ABCD3: variants seen among roughly 807,000 people sequenced by gnomAD.
ABCD3 encodes the protein ATP-binding cassette sub-family D member 3.
Under a neutral mutation model 105.5 loss-of-function variants are expected in ABCD3, and 41 were observed. The observed-to-expected ratio is 0.39, with a 90% confidence interval of 0.30 to 0.50. The LOEUF (loss-of-function observed/expected upper bound fraction) is 0.50, where lower values mean the gene tolerates loss of function less well. Ranked by LOEUF, ABCD3 falls within the 20% of genes least tolerant of loss-of-function variation. The pLI is 0.84. For synonymous variants in ABCD3, 258 were observed against 269.0 expected (o/e 0.96, Z 0.40); for missense variants, 622 against 806.3 (o/e 0.77, Z 2.77).
At chr1:94,481,509 A>T (rs2101007939) in intron 9 of ABCD3, 1 of 152,376 alleles carries the variant, frequency 6.6e-6, no homozygotes, top group Non-Finnish European at 1.5e-5. Context: ...CAGTAATAAG[A>T]ACACTCACTG....
intron 1 of ABCD3, among the ~76,000 whole-genome samples, chr1:94,431,593 A>G (rs558648813): frequency 6.6e-6 from 1 of 152,192 alleles, no homozygotes; most frequent in East Asian, 1.9e-4. Context: ...AGACAGACTC[A>G]CTCTGTGGCC....
At position 94,493,440 on chromosome 1, in the gene ABCD3, A is replaced by C. The variant is rs952111560; in HGVS notation, c.1386+2193A>C. 1.3e-3 allele frequency among the ~76,000 whole-genome samples: 193 copies of C among 151,936 alleles called. 1 individual carries two copies. In the East Asian group the frequency reaches 0.016, roughly 12 times the overall value. ...ATGGCAATCATTAAAAAGTCAGGAA[A>C]CAACAGGTGCTGGAGAGGATGTGGA... is the stretch of plus-strand genomic sequence containing the variant. On this transcript the variant is annotated intron_variant, in intron 16 of 22. Coordinates refer to ENST00000370214, the MANE Select transcript of ABCD3 (RefSeq NM_002858.4).
At chr1:94,497,937 A>G (rs1649899304) in intron 16 of ABCD3, among the ~76,000 whole-genome samples, 1 of 152,228 alleles carries the variant, frequency 6.6e-6, no homozygotes, top group Admixed American at 6.5e-5. Context: ...AGCAAGTTGT[A>G]GAACAGTCTA....
chr1:94,387,460 A>G, the ABCD3 span, among the ~76,000 whole-genome samples: 1 of 151,566 alleles, frequency 6.6e-6, no homozygotes, highest in Non-Finnish European at 1.5e-5. Context: ...CTCTCTCCAT[A>G]TTTCTCCCAT....
intron 4 of ABCD3, among the ~76,000 whole-genome samples, chr1:94,470,611 CT>C (rs897951033): frequency 1.3e-5 from 2 of 151,384 alleles, no homozygotes; most frequent in African/African-American, 2.4e-5. Context: ...TAGGTGAACT[CT>C]TTTTCCATCT....
At position 94,478,289 on chromosome 1, in the gene ABCD3, A is replaced by G; in HGVS notation, c.658A>G (p.Lys220Glu). 6.2e-7 allele frequency: 1 copy of G among 1,602,502 alleles called. No individual in the cohort carries two copies. Among genetic ancestry groups the G allele is most frequent in the Non-Finnish European group, 8.5e-7 (1 of 1,171,382 alleles). ...PFLDIVLYIFKLTSAIGAQGP... is the reference protein window; with the variant it reads ...PFLDIVLYIFELTSAIGAQGP... The stretch of plus-strand genomic sequence containing the variant: ...TTTAGACATAGTTTTGTATATCTTT[A>G]AGTTAACGAGTGCAATTGGAGCTCA... Residue 220 changes from lysine (K) to glutamate (E), a missense_variant, in exon 8 of 23, where the codon AAG (lysine) becomes GAG (glutamate). Physicochemically the swap from Lys to Glu is moderately conservative, Grantham distance 56. Coordinates refer to ENST00000370214, the MANE Select transcript of ABCD3 (RefSeq NM_002858.4).
At chr1:94,423,845 T>C (rs1268985069) in intron 1 of ABCD3, among the ~76,000 whole-genome samples, 4 of 152,146 alleles carry the variant, frequency 2.6e-5, no homozygotes, top group Admixed American at 2.0e-4. Context: ...TCTACAACTT[T>C]CCTGCAAACT....
At chr1:94,480,124 A>G in intron 8 of ABCD3, 1 of 294,192 alleles carries the variant, frequency 3.4e-6, no homozygotes, top group Non-Finnish European at 6.4e-6. Flanking sequence ...GAGGTCTAAG[A>G]ATTATTGTGG....
intron 2 of ABCD3, among the ~76,000 whole-genome samples, chr1:94,459,336 C>G (rs539154352): frequency 3.9e-5 from 6 of 152,202 alleles, no homozygotes; most frequent in Admixed American, 1.3e-4. Context: ...GATCCTTTTT[C>G]AGTTCTGTAT....
the ABCD3 span, among the ~76,000 whole-genome samples, chr1:94,385,814 T>C: frequency 6.6e-6 from 1 of 152,134 alleles, no homozygotes. Flanking sequence ...TTCTCATAAA[T>C]GGTGCGGAGA....
intron 20 of ABCD3, 85 bp downstream of exon 20, chr1:94,499,699 T>A: frequency 1.9e-6 from 3 of 1,545,450 alleles, no homozygotes; most frequent in Non-Finnish European, 2.7e-6. Flanking sequence ...CATCTTATAT[T>A]TTTTTATTCA....
chr1:94,428,289 C>A (rs1659546453), intron 1 of ABCD3, among the ~76,000 whole-genome samples: 2 of 151,976 alleles, frequency 1.3e-5, no homozygotes, highest in Admixed American at 6.6e-5. Context: ...TATAATGGTA[C>A]TATAATAATT....
intron 1 of ABCD3, among the ~76,000 whole-genome samples, chr1:94,447,174 TAAAGAG>T (rs1660382873): frequency 3.9e-5 from 6 of 152,020 alleles, no homozygotes; most frequent in Admixed American, 3.9e-4. Context: ...GGCCACTAAG[TAAAGAG>T]AAACTGGAGG....
chr1:94,430,020 C>A (rs1659614123), intron 1 of ABCD3, among the ~76,000 whole-genome samples: 1 of 152,364 alleles, frequency 6.6e-6, no homozygotes, highest in East Asian at 1.9e-4. Context: ...CTGCCCAAGA[C>A]CATGGGAACC....
the ABCD3 span, among the ~76,000 whole-genome samples, chr1:94,402,905 A>G: frequency 6.7e-6 from 1 of 148,802 alleles, no homozygotes; most frequent in South Asian, 2.2e-4. Context: ...TGCACCCATT[A>G]ACTCATCATC....
intron 1 of ABCD3, among the ~76,000 whole-genome samples, chr1:94,424,733 G>C (rs1220655709): frequency 2.0e-5 from 3 of 152,088 alleles, no homozygotes; most frequent in African/African-American, 7.2e-5. Flanking sequence ...ACTCAAAATA[G>C]CATCCTGTCT....
At chr1:94,418,682 C>T (rs1659124306) in intron 1 of ABCD3, 94 bp downstream of exon 1, 3 of 1,355,248 alleles carry the variant, frequency 2.2e-6, no homozygotes, top group African/African-American at 2.9e-5. Flanking sequence ...TCTCTTTGCC[C>T]GACGGGGTCG....
chr1:94,487,879 A>G lies in ABCD3; in HGVS notation c.1066-13A>G. The G allele has an allele frequency of 6.2e-7, 1 of 1,610,156 alleles. No individual in the cohort carries two copies. Among genetic ancestry groups the G allele is most frequent in the South Asian group, 1.1e-5 (1 of 90,890 alleles). On this transcript the variant is annotated splice_polypyrimidine_tract_variant and intron_variant, in intron 12 of 22. Transcript: ENST00000370214. ...GAACTATAAGTAAAAACTAATATTTATTTCTATTTAAGGATTACTACCAAA... is the reference window on the plus strand; with the variant it reads ...GAACTATAAGTAAAAACTAATATTTGTTTCTATTTAAGGATTACTACCAAA...
chr1:94,458,462 A>G, intron 1 of ABCD3, 145 bp from the exon 2 acceptor site: 1 of 724,336 alleles, frequency 1.4e-6, no homozygotes, highest in Non-Finnish European at 2.4e-6. Context: ...GTGGACTATT[A>G]TTATTTAATA....
Sources: gnomAD v4.1 joint callset for allele counts (sites outside exome capture counted in the v4.1 genomes callset) on GRCh38, gnomAD v4.1.1 for gene constraint, MANE v1.5 for transcripts, NCBI Gene and HGNC (gene_info 2026-07-23, HGNC 2026-07-21) for gene names.